Variants in ADAM20 observed in about 807,000 individuals in gnomAD.
The protein encoded by ADAM20 is ADAM metallopeptidase domain 20, also known as disintegrin and metalloproteinase domain-containing protein 20.
For synonymous variants in ADAM20, 305 were observed against 310.2 expected (o/e 0.98, Z 0.18); for missense variants, 871 against 883.2 (o/e 0.99, Z 0.18).
intron 1 of ADAM20, 81 bp from the exon 2 acceptor site, chr14:70,525,014 G>A (rs773739401): frequency 4.9e-5 from 60 of 1,224,788 alleles, no homozygotes; most frequent in Middle Eastern, 2.9e-4. Flanking sequence ...CCTGCATTTG[G>A]ACCATATTTG....
intron 1 of ADAM20, among the ~76,000 whole-genome samples, chr14:70,526,951 A>C (rs887002199): frequency 2.0e-5 from 3 of 152,194 alleles, no homozygotes; most frequent in Non-Finnish European, 4.4e-5. Flanking sequence ...ACCAAAGGAA[A>C]CACAATTGTG....
the ADAM20 span, among the ~76,000 whole-genome samples, chr14:70,560,173 T>A: frequency 6.6e-6 from 1 of 152,210 alleles, no homozygotes; most frequent in East Asian, 1.9e-4. Flanking sequence ...GAGGTAAAGA[T>A]GTTGCCTGGA....
chr14:70,537,681 T>A (rs1208377208), upstream of ADAM20, among the ~76,000 whole-genome samples: 2 of 152,194 alleles, frequency 1.3e-5, no homozygotes, highest in African/African-American at 4.8e-5. Flanking sequence ...CCAGTCTACA[T>A]GGGTGCCAAA....
At chr14:70,578,816 T>A in the ADAM20 span, among the ~76,000 whole-genome samples, 1 of 152,112 alleles carries the variant, frequency 6.6e-6, no homozygotes, top group East Asian at 1.9e-4. Flanking sequence ...TAGTACTTGA[T>A]AAGTTTTTCA....
chr14:70,536,321 C>A (rs1300850829), upstream of ADAM20, among the ~76,000 whole-genome samples: 1 of 151,556 alleles, frequency 6.6e-6, no homozygotes, highest in Non-Finnish European at 1.5e-5. Flanking sequence ...CAAAAATTAG[C>A]CAGGCGTGGT....
chr14:70,570,830 A>G, the ADAM20 span, among the ~76,000 whole-genome samples: 1 of 152,156 alleles, frequency 6.6e-6, no homozygotes, highest in African/African-American at 2.4e-5. Context: ...TGGTCAATAT[A>G]CTTTCTGAAC....
chr14:70,543,225 C>A, the ADAM20 span, among the ~76,000 whole-genome samples: 1 of 152,166 alleles, frequency 6.6e-6, no homozygotes, highest in Admixed American at 6.5e-5. Context: ...TCTTTTTAAG[C>A]CAAATATTAA....
At position 70,524,400 on chromosome 14, in the gene ADAM20, C is replaced by T. The variant is rs1302206855; in HGVS notation, c.358G>A (p.Glu120Lys). The T allele has an allele frequency of 6.2e-7, 1 of 1,613,998 alleles. No individual in the cohort carries two copies. The highest frequency in any genetic ancestry group is 1.7e-5 in the Admixed American group (1 of 59,990). Residue 120 changes from glutamate (E) to lysine (K), a missense_variant, in exon 2 of 2, where the codon GAG (glutamate) becomes AAG (lysine). By Grantham distance (56) the Glu-to-Lys change is moderately conservative. Coordinates refer to ENST00000256389, the MANE Select transcript of ADAM20 (RefSeq NM_003814.5). ...YYHGYVEGVP[E>K]SLVALSTCSG... ...CAGGTACTAAGGGCAACCAAGGACT[C>T]AGGGACCCCCTCCACATAACCATGG... is the stretch of plus-strand genomic sequence containing the variant.
upstream of ADAM20, among the ~76,000 whole-genome samples, chr14:70,536,854 C>A (rs1326790156): frequency 1.3e-5 from 2 of 151,854 alleles, no homozygotes; most frequent in African/African-American, 4.8e-5. Context: ...TAAACTTCTC[C>A]CCCACACAGA....
chr14:70,527,801 T>C (rs1303087588), intron 1 of ADAM20, among the ~76,000 whole-genome samples: 5 of 152,160 alleles, frequency 3.3e-5, no homozygotes, highest in African/African-American at 1.2e-4. Flanking sequence ...ATCCCTCCCC[T>C]ACATGCAAGT....
chr14:70,544,953 T>C, the ADAM20 span, among the ~76,000 whole-genome samples: 1 of 152,148 alleles, frequency 6.6e-6, no homozygotes, highest in Non-Finnish European at 1.5e-5. Context: ...TATTGATCAA[T>C]ATTAATAGGG....
chr14:70,544,320 T>C, the ADAM20 span, among the ~76,000 whole-genome samples: 1 of 152,238 alleles, frequency 6.6e-6, no homozygotes, highest in Non-Finnish European at 1.5e-5. Context: ...TTTCTTTCCT[T>C]TTTAACTCTT....
the ADAM20 span, among the ~76,000 whole-genome samples, chr14:70,562,079 G>A: frequency 2.0e-5 from 3 of 152,216 alleles, no homozygotes; most frequent in Non-Finnish European, 2.9e-5. Flanking sequence ...AGACAGAGGC[G>A]CCCAATGCCA....
chr14:70,539,793 T>C (rs1383250051), upstream of ADAM20, among the ~76,000 whole-genome samples: 1 of 152,154 alleles, frequency 6.6e-6, no homozygotes, highest in Non-Finnish European at 1.5e-5. Context: ...CATGTGACCA[T>C]CTCACCTCAT....
At chr14:70,574,926 A>T in the ADAM20 span, among the ~76,000 whole-genome samples, 1 of 152,014 alleles carries the variant, frequency 6.6e-6, no homozygotes, top group Non-Finnish European at 1.5e-5. Context: ...AAGTAAAAAA[A>T]GCCAATCACA....
upstream of ADAM20, among the ~76,000 whole-genome samples, chr14:70,535,282 A>G (rs1465100368): frequency 1.2e-4 from 19 of 152,190 alleles, no homozygotes. Flanking sequence ...GGTGGACCTA[A>G]AAGAATCTCT....
In ADAM20 at chr14:70,522,604, T is replaced by C; in HGVS notation, c.2154A>G (p.Thr718=). The change falls in exon 2 of 2, where the codon ACA becomes ACG. Residue 718 remains threonine, a synonymous_variant. Transcript: ENST00000256389. The part of the protein sequence containing the change: ...FCLHVLFKKR[T]KSKEDEEG ...ATCCTTCTTCATCTTCTTTACTTTT[T>C]GTGCGTTTCTTAAAAAGCACATGTA... 1 of 1,611,138 alleles carries C rather than the reference T, an allele frequency of 6.2e-7. No individual in the cohort carries two copies. The highest frequency in any genetic ancestry group is 2.2e-5 in the East Asian group (1 of 44,842).
the ADAM20 span, among the ~76,000 whole-genome samples, chr14:70,564,387 G>A: frequency 2.0e-5 from 3 of 152,158 alleles, no homozygotes; most frequent in Non-Finnish European, 4.4e-5. Flanking sequence ...GACTGGACCA[G>A]CCAGGAACAA....
the ADAM20 span, among the ~76,000 whole-genome samples, chr14:70,578,530 G>C: frequency 1.3e-5 from 2 of 152,134 alleles, no homozygotes; most frequent in African/African-American, 2.4e-5. Context: ...CACAGCGAAA[G>C]AAACAATCAA....
Sources: allele counts gnomAD v4.1 joint callset (sites outside exome capture counted in the v4.1 genomes callset), GRCh38; gene constraint gnomAD v4.1.1; transcripts MANE v1.5; gene names NCBI Gene and HGNC (gene_info 2026-07-23, HGNC 2026-07-21).